ETV6: variants seen among roughly 807,000 people sequenced by gnomAD.
The protein encoded by ETV6 is transcription factor ETV6.
In ETV6, 16 loss-of-function variants were observed where a neutral mutation model predicts 51.1. That is an observed-to-expected ratio of 0.31 (90% CI 0.21 to 0.48). The LOEUF (loss-of-function observed/expected upper bound fraction) is 0.48. Ranked by LOEUF, ETV6 falls within the 20% of genes least tolerant of loss-of-function variation. The pLI is 0.99. For missense variants in ETV6, 458 were observed against 594.8 expected, an observed-to-expected ratio of 0.77 and a Z score of 2.39; for synonymous variants, 240 against 224.1, an observed-to-expected ratio of 1.07 and a Z score of -0.64.
At chr12:11,819,640 A>C in intron 2 of ETV6, among the ~76,000 whole-genome samples, 1 of 152,200 alleles carries the variant, frequency 6.6e-6, no homozygotes, top group African/African-American at 2.4e-5. Flanking sequence ...CTATTCATCT[A>C]GTTTCAGGAA....
chr12:11,810,736 C>T (rs1288299838), intron 2 of ETV6, among the ~76,000 whole-genome samples: 1 of 152,206 alleles, frequency 6.6e-6, no homozygotes. Context: ...ACTACACCTT[C>T]TGAAAGATTT....
intron 1 of ETV6, among the ~76,000 whole-genome samples, chr12:11,693,189 G>A (rs553591562): frequency 1.3e-5 from 2 of 152,248 alleles, no homozygotes; most frequent in African/African-American, 4.8e-5. Flanking sequence ...GATAAATTAG[G>A]GAAGGCACAT....
At chr12:11,679,282 C>T (rs1156839876) in intron 1 of ETV6, among the ~76,000 whole-genome samples, 1 of 151,928 alleles carries the variant, frequency 6.6e-6, no homozygotes, top group African/African-American at 2.4e-5. Flanking sequence ...CAAAGTAAGG[C>T]CCTGAGCAGC....
At chr12:11,793,124 AC>A (rs1945629015) in intron 2 of ETV6, among the ~76,000 whole-genome samples, 1 of 152,212 alleles carries the variant, frequency 6.6e-6, no homozygotes, top group Non-Finnish European at 1.5e-5. Flanking sequence ...TAGTGTTGGA[AC>A]AATGGTGACT....
intron 1 of ETV6, among the ~76,000 whole-genome samples, chr12:11,717,842 C>T (rs1389253532): frequency 6.6e-6 from 1 of 152,162 alleles, no homozygotes; most frequent in Non-Finnish European, 1.5e-5. Context: ...TCAGCCTGAT[C>T]AGTGGTATCT....
chr12:11,747,785 C>T (rs1357949586), intron 1 of ETV6, among the ~76,000 whole-genome samples: 2 of 152,192 alleles, frequency 1.3e-5, no homozygotes, highest in East Asian at 1.9e-4. Context: ...CAAATTTCAG[C>T]GTATTCAATT....
intron 1 of ETV6, among the ~76,000 whole-genome samples, chr12:11,650,944 C>CG (rs1863895127): frequency 6.6e-6 from 1 of 152,120 alleles, no homozygotes. Context: ...AAATGCAGGG[C>CG]GGTAGATGTT....
intron 5 of ETV6, among the ~76,000 whole-genome samples, chr12:11,882,307 G>A (rs989994766): frequency 6.6e-6 from 1 of 152,180 alleles, no homozygotes; most frequent in Non-Finnish European, 1.5e-5. Context: ...CACTGAGCAG[G>A]TGTACTTTGT....
intron 1 of ETV6, among the ~76,000 whole-genome samples, chr12:11,737,837 G>A (rs2856344): frequency 0.45 from 68,576 of 152,092 alleles, 18,974 homozygotes; most frequent in Admixed American, 0.61. Context: ...TCATAGCCAA[G>A]GAGACTGAGA....
intron 3 of ETV6, among the ~76,000 whole-genome samples, chr12:11,840,293 G>T (rs1009488391): frequency 6.6e-6 from 1 of 152,188 alleles, no homozygotes; most frequent in Admixed American, 6.5e-5. Context: ...TGTGGATAAG[G>T]CTTCAAAGAT....
chr12:11,839,905 G>T (rs1007366723), intron 3 of ETV6, among the ~76,000 whole-genome samples: 1 of 152,100 alleles, frequency 6.6e-6, no homozygotes, highest in South Asian at 2.1e-4. Flanking sequence ...TGCCATTTTG[G>T]CCTTTTGACT....
At chr12:11,886,129 A>T in intron 7 of ETV6, 103 bp downstream of exon 7, 1 of 798,246 alleles carries the variant, frequency 1.3e-6, no homozygotes, top group South Asian at 1.6e-5. Context: ...TGCCTATCGG[A>T]TACCCAAAGC....
chr12:11,868,169 G>A (rs1026123591), intron 4 of ETV6, among the ~76,000 whole-genome samples: 6 of 152,094 alleles, frequency 3.9e-5, no homozygotes, highest in African/African-American at 1.4e-4. Context: ...TGTAAATTGG[G>A]GCCACTGTGC....
At chr12:11,705,387 C>G (rs1269676147) in intron 1 of ETV6, among the ~76,000 whole-genome samples, 1 of 152,180 alleles carries the variant, frequency 6.6e-6, no homozygotes, top group Non-Finnish European at 1.5e-5. Context: ...GTGTTTCAGG[C>G]ATCTGACTCC....
At chr12:11,751,303 C>G (rs1267047956) in intron 1 of ETV6, 2 of 518,070 alleles carry the variant, frequency 3.9e-6, no homozygotes, top group Non-Finnish European at 7.7e-6. Context: ...TAAACACTGC[C>G]TTCCCTTTAC....
chr12:11,877,355 C>G (rs1335146003), intron 5 of ETV6, among the ~76,000 whole-genome samples: 2 of 150,806 alleles, frequency 1.3e-5, no homozygotes, highest in Non-Finnish European at 2.9e-5. Context: ...GCCTTGACAG[C>G]TAAAAGACCT....
At position 11,892,102 on chromosome 12, in the gene ETV6, G is replaced by C. The variant is rs1227568215; in HGVS notation, c.*1056G>C. 2.1e-5 allele frequency: 5 copies of C among 233,166 alleles called. No homozygotes were observed. The highest frequency in any genetic ancestry group is 4.2e-5 in the Non-Finnish European group (5 of 118,190). 14.4% of individuals were successfully genotyped at this position (233,166 alleles called of 1,614,324 possible). ...AGAAACTGGGCAAAAATATTCTGCA[G>C]TGGGGATTTATTTTTCCAAAGCAGG... On this transcript the variant is annotated 3_prime_UTR_variant, in exon 8 of 8. Coordinates refer to ENST00000396373, the MANE Select transcript of ETV6 (RefSeq NM_001987.5).
chr12:11,840,672 A>G (rs950895914), intron 3 of ETV6: 8 of 338,744 alleles, frequency 2.4e-5, no homozygotes, highest in Admixed American at 4.2e-5. Flanking sequence ...CAGACCGTTT[A>G]TATGAAGAAA....
chr12:11,862,749 A>G (rs1235693382), intron 4 of ETV6, among the ~76,000 whole-genome samples: 2 of 152,324 alleles, frequency 1.3e-5, no homozygotes, highest in African/African-American at 4.8e-5. Context: ...TCCAAATAAG[A>G]TCACATCCTG....
Sources: gnomAD v4.1 joint callset for allele counts (sites outside exome capture counted in the v4.1 genomes callset) on GRCh38, gnomAD v4.1.1 for gene constraint, MANE v1.5 for transcripts, NCBI Gene and HGNC (gene_info 2026-07-23, HGNC 2026-07-21) for gene names.